Variants in LMNA observed in about 807,000 individuals in gnomAD.
The protein encoded by LMNA is lamin A/C.
In LMNA, 20 loss-of-function variants were observed where a neutral mutation model predicts 70.4. The observed-to-expected ratio is 0.28, with a 90% CI of 0.20 to 0.41. The LOEUF (loss-of-function observed/expected upper bound fraction) is 0.41, where lower values mean the gene tolerates loss of function less well. LMNA is among the 10% of genes least tolerant of loss of function. The probability of loss-of-function intolerance (pLI) is 1.00; values close to 1 mark genes in which losing one functional copy is unlikely to be tolerated. For missense variants in LMNA, 652 were observed against 917.2 expected, an observed-to-expected ratio of 0.71 and a Z score of 3.73; for synonymous variants, 339 against 372.8, an observed-to-expected ratio of 0.91 and a Z score of 1.04.
chr1:156,101,180 G>T (rs1358846675), intron 3 of LMNA, among the ~76,000 whole-genome samples: 1 of 152,092 alleles, frequency 6.6e-6, no homozygotes, highest in Non-Finnish European at 1.5e-5. Context: ...ACAAAATGAG[G>T]CTTTCATTTT....
At chr1:156,114,676 A>T (rs1572331288), upstream of LMNA, 4 of 369,776 alleles carry the variant, frequency 1.1e-5, no homozygotes, top group Non-Finnish European at 1.9e-5. Context: ...TCAGAGGAGG[A>T]CCTATTAGAG....
chr1:156,104,834 G>T (rs1460182206), intron 3 of LMNA, among the ~76,000 whole-genome samples: 1 of 152,168 alleles, frequency 6.6e-6, no homozygotes, highest in Non-Finnish European at 1.5e-5. Context: ...GGGCATATGG[G>T]AATGTTTTGC....
rs1651597210 is a variant in LMNA, at chr1:156,136,207, T to C, written c.1158-7T>C. On this transcript the variant is annotated splice_region_variant and splice_polypyrimidine_tract_variant and intron_variant, in intron 6 of 11. Coordinates refer to ENST00000368300, the MANE Select transcript of LMNA (RefSeq NM_170707.4). The surrounding 1 kb of genome is among the most constrained non-coding windows in gnomAD (Gnocchi z 6.1). ...ACTAGACCCCCACTTGGTCTCCCTC[T>C]CCCCAGGCTACGCCTGTCCCCCAGC... 1 of 1,612,606 alleles carries C rather than the reference T, an allele frequency of 6.2e-7. No individual in the cohort carries two copies. Among genetic ancestry groups the C allele is most frequent in the Admixed American group, 1.7e-5 (1 of 60,010 alleles).
intron 3 of LMNA, among the ~76,000 whole-genome samples, chr1:156,096,740 T>A (rs1192917370): frequency 1.3e-5 from 2 of 152,258 alleles, no homozygotes; most frequent in Non-Finnish European, 2.9e-5. Flanking sequence ...CTAGCCTGGA[T>A]GCACCCACAG....
rs191028154 is a variant in LMNA, at chr1:156,136,729, G to A, written c.1381-192G>A. On this transcript the variant is annotated intron_variant, in intron 7 of 11. Coordinates refer to ENST00000368300, the MANE Select transcript of LMNA (RefSeq NM_170707.4). The surrounding 1 kb of genome is among the most constrained non-coding windows in gnomAD (Gnocchi z 6.1). Reference sequence around the variant, plus strand: ...CAGGAAGATGAAAGATAAGGTATCCGTGTGCCTGGTGCTGCGTATGTGTCC... The same window carrying A: ...CAGGAAGATGAAAGATAAGGTATCCATGTGCCTGGTGCTGCGTATGTGTCC... The A allele has an allele frequency of 1.2e-5, 8 of 690,630 alleles. No individual in the cohort carries two copies. The highest frequency in any genetic ancestry group is 3.1e-5 in the South Asian group (2 of 63,950). 42.8% of individuals were successfully genotyped at this position (690,630 alleles called of 1,614,324 possible).
At chr1:156,111,115 C>G (rs1373038241), upstream of LMNA, among the ~76,000 whole-genome samples, 1 of 152,064 alleles carries the variant, frequency 6.6e-6, no homozygotes. Flanking sequence ...TATAAGAACA[C>G]AGAGGAGCCC....
chr1:156,123,996 G>T (rs1177421916), intron 1 of LMNA, among the ~76,000 whole-genome samples: 1 of 152,230 alleles, frequency 6.6e-6, no homozygotes, highest in Non-Finnish European at 1.5e-5. Flanking sequence ...ACCTGGCTTT[G>T]TCTTAGGGAA....
intron 1 of LMNA, among the ~76,000 whole-genome samples, chr1:156,124,949 C>T (rs1015622630): frequency 1.3e-5 from 2 of 152,126 alleles, no homozygotes; most frequent in Non-Finnish European, 2.9e-5. Context: ...CTGTGTGTAT[C>T]GTGCCATTTT....
At chr1:156,131,259 A>G (rs965592990) in intron 2 of LMNA, among the ~76,000 whole-genome samples, 2 of 151,710 alleles carry the variant, frequency 1.3e-5, no homozygotes, top group Admixed American at 1.3e-4. Flanking sequence ...CAACAGAGTG[A>G]GACTCCGTCT....
chr1:156,125,583 G>T (rs1040283326), intron 1 of LMNA, among the ~76,000 whole-genome samples: 16 of 152,058 alleles, frequency 1.1e-4, no homozygotes, highest in African/African-American at 3.9e-4. Flanking sequence ...CAGCTACTCT[G>T]GAGGCTGAGG....
chr1:156,093,127 G>C (rs1648773025), intron 3 of LMNA, among the ~76,000 whole-genome samples: 1 of 151,498 alleles, frequency 6.6e-6, no homozygotes, highest in South Asian at 2.1e-4. Context: ...GACTTCAGGT[G>C]ATCTGCCCAC....
chr1:156,102,097 C>T (rs1229103077), intron 3 of LMNA, among the ~76,000 whole-genome samples: 2 of 152,226 alleles, frequency 1.3e-5, no homozygotes, highest in Non-Finnish European at 2.9e-5. Context: ...CTCTCTGGGA[C>T]AGGCTGGGAA....
chr1:156,137,449 A>T lies in LMNA; in HGVS notation c.1609-205A>T. On this transcript the variant is annotated intron_variant, in intron 9 of 11. Coordinates refer to ENST00000368300, the MANE Select transcript of LMNA (RefSeq NM_170707.4). The surrounding 1 kb of genome is among the most constrained non-coding windows in gnomAD (Gnocchi z 4.6). The stretch of plus-strand genomic sequence containing the variant: ...AGACAGTGAGGATTGTTAAAGGCAG[A>T]GCCATACTCCTACCCGGAGAGCTTG... 1.3e-6 allele frequency: 1 copy of T among 775,364 alleles called. No homozygotes were observed. The highest frequency in any genetic ancestry group is 1.6e-5 in the South Asian group (1 of 62,694). The allele number at this position is 775,364 out of a possible 1,614,324, so 48.0% of individuals were successfully genotyped here.
intron 1 of LMNA, among the ~76,000 whole-genome samples, chr1:156,118,063 ATCC>A (rs1649961126): frequency 6.7e-6 from 1 of 150,002 alleles, no homozygotes; most frequent in African/African-American, 2.5e-5. Flanking sequence ...GCCTCAAGCA[ATCC>A]TCCTGCCTCG....
intron 1 of LMNA, chr1:156,127,024 C>T (rs979803335): frequency 3.1e-6 from 3 of 973,914 alleles, no homozygotes; most frequent in East Asian, 2.6e-5. Context: ...GCCTGCCCCA[C>T]CCTGTCCTCC....
rs267607622 is a variant in LMNA, at chr1:156,130,735, G to C, written c.475G>C (p.Glu159Gln). The C allele has an allele frequency of 6.2e-7, 1 of 1,606,900 alleles. No individual in the cohort carries two copies. Among genetic ancestry groups the C allele is most frequent in the Admixed American group, 1.7e-5 (1 of 58,964 alleles). Residue 159 changes from glutamate (E) to glutamine (Q), a missense_variant, in exon 2 of 12, where the codon GAG becomes CAG. By Grantham distance (29) the Glu-to-Gln change is conservative. Around this residue, in one of 4 missense-constraint regions of LMNA, gnomAD observed 254 missense variants for 421.9 expected, o/e 0.60. Transcript: ENST00000368300. The stretch of plus-strand genomic sequence containing the variant: ...TGCTCTCAGTGAGAAGCGCACGCTG[G>C]AGGGCGAGCTGCATGATCTGCGGGG... ...STALSEKRTL[E>Q]GELHDLRGQV...
chr1:156,135,980 C>T lies in LMNA; in HGVS notation c.1016C>T (p.Ala339Val). 3 of 1,614,046 alleles carry T rather than the reference C, an allele frequency of 1.9e-6. No homozygotes were observed. The highest frequency in any genetic ancestry group is 1.7e-6 in the Non-Finnish European group (2 of 1,180,012). The change falls in exon 6 of 12, where the codon GCG becomes GTG. Residue 339 changes from alanine to valine, a missense_variant. By Grantham distance (64) the Ala-to-Val change is moderately conservative. Coordinates refer to ENST00000368300, the MANE Select transcript of LMNA (RefSeq NM_170707.4). The surrounding 1 kb of genome is among the most constrained non-coding windows in gnomAD (Gnocchi z 4.8). ...RERDTSRRLL[A>V]EKEREMAEMR... is the part of the protein sequence containing the mutation. ...CGGGACACCAGCCGGCGGCTGCTGG[C>T]GGAAAAGGAGCGGGAGATGGCCGAG...
intron 3 of LMNA, among the ~76,000 whole-genome samples, chr1:156,092,133 G>A (rs1056051982): frequency 2.6e-5 from 4 of 151,880 alleles, no homozygotes; most frequent in Admixed American, 1.3e-4. Context: ...GGTCAGACTG[G>A]TCTCAAACTC....
upstream of LMNA, among the ~76,000 whole-genome samples, chr1:156,114,374 G>A (rs117050667): frequency 7.9e-5 from 12 of 152,048 alleles, no homozygotes; most frequent in East Asian, 1.7e-3. Flanking sequence ...CTTGCTTTGC[G>A]CCCACTTCCC....
Sources: allele counts gnomAD v4.1 joint callset (sites outside exome capture counted in the v4.1 genomes callset), GRCh38; gene constraint gnomAD v4.1.1; regional missense constraint gnomAD v4.1.1; non-coding constraint Gnocchi (gnomAD v3.1); transcripts MANE v1.5; gene names NCBI Gene and HGNC (gene_info 2026-07-23, HGNC 2026-07-21).